The following PDGFD variants were observed in gnomAD, a reference collection of about 807,000 sequenced individuals.
The protein encoded by PDGFD is platelet-derived growth factor D.
Under a neutral mutation model 44.7 loss-of-function variants are expected in PDGFD, and 30 were observed. The observed-to-expected ratio is 0.67, with a 90% confidence interval of 0.50 to 0.91. The LOEUF is 0.91. Among genes scored for constraint, PDGFD ranks in the 40% least tolerant of loss-of-function variants. The pLI is 0.00. For missense variants in PDGFD, 445 were observed against 457.8 expected, an observed-to-expected ratio of 0.97 and a Z score of 0.25; for synonymous variants, 173 against 168.4, an observed-to-expected ratio of 1.03 and a Z score of -0.21.
chr11:104,115,047 C>T (rs950166571), intron 1 of PDGFD, among the ~76,000 whole-genome samples: 22 of 151,624 alleles, frequency 1.5e-4, no homozygotes. Flanking sequence ...CCCACACCCC[C>T]TCCCCACCCT....
At chr11:103,910,531 T>C (rs1217270270) in intron 6 of PDGFD, among the ~76,000 whole-genome samples, 1 of 152,114 alleles carries the variant, frequency 6.6e-6, no homozygotes, top group African/African-American at 2.4e-5. Context: ...AGGGAAGCCA[T>C]GAGAGACTGT....
intron 1 of PDGFD, among the ~76,000 whole-genome samples, chr11:104,153,826 G>T (rs1382334091): frequency 6.6e-6 from 1 of 151,928 alleles, no homozygotes; most frequent in East Asian, 1.9e-4. Flanking sequence ...ATTTTTGGGG[G>T]TCATTTGCAC....
At chr11:104,080,200 A>T (rs1177437183) in intron 1 of PDGFD, among the ~76,000 whole-genome samples, 1 of 152,232 alleles carries the variant, frequency 6.6e-6, no homozygotes, top group Non-Finnish European at 1.5e-5. Context: ...CTAAAGGCAG[A>T]ACTTTCAAAG....
At chr11:104,135,205 G>A (rs1167487750) in intron 1 of PDGFD, among the ~76,000 whole-genome samples, 1 of 152,218 alleles carries the variant, frequency 6.6e-6, no homozygotes, top group East Asian at 1.9e-4. Context: ...GTTCTAAATA[G>A]ATAGTGGTTA....
chr11:104,115,413 C>A (rs747430156), intron 1 of PDGFD, among the ~76,000 whole-genome samples: 14 of 150,848 alleles, frequency 9.3e-5, no homozygotes, highest in African/African-American at 3.4e-4. Flanking sequence ...TAAGTAATAG[C>A]ATTAATTTAT....
chr11:104,118,878 C>A (rs1421836245), intron 1 of PDGFD, among the ~76,000 whole-genome samples: 3 of 67,082 alleles, frequency 4.5e-5, no homozygotes, highest in African/African-American at 6.4e-5. Context: ...TATTAATATA[C>A]ATATATATTA....
In PDGFD at chr11:104,109,377, T is replaced by C. The variant is rs562889032; in HGVS notation, c.124+54427A>G. Among the ~76,000 whole-genome samples, 7 of 152,234 alleles carry C rather than the reference T, an allele frequency of 4.6e-5. No individual in the cohort carries two copies. In the South Asian group the frequency reaches 1.5e-3, roughly 32 times the overall value. The stretch of plus-strand genomic sequence containing the variant: ...ATAAGTTAGGCACAATAATAGATAC[T>C]TCATCGGGTTACTGAAGTGATCAAA... On this transcript the variant is annotated intron_variant, in intron 1 of 6. Coordinates refer to ENST00000393158, the MANE Select transcript of PDGFD (RefSeq NM_025208.5).
At chr11:104,059,172 A>G (rs898590313) in intron 1 of PDGFD, among the ~76,000 whole-genome samples, 13 of 152,192 alleles carry the variant, frequency 8.5e-5, no homozygotes, top group African/African-American at 3.1e-4. Flanking sequence ...ACAAATTTCA[A>G]TGGCAAAAAA....
chr11:104,114,974 G>A (rs1861612083), intron 1 of PDGFD, among the ~76,000 whole-genome samples: 1 of 150,510 alleles, frequency 6.6e-6, no homozygotes, highest in South Asian at 2.1e-4. Flanking sequence ...GTGGTGATTT[G>A]TGAGATATTG....
rs1034317795 is a variant in PDGFD at position 103,924,258 on chromosome 11, C to T, written c.987+2654G>A. Among the ~76,000 whole-genome samples, 6 of 152,336 alleles carry T rather than the reference C, an allele frequency of 3.9e-5. No individual in the cohort carries two copies. In the South Asian group the frequency reaches 1.2e-3, roughly 32 times the overall value. On this transcript the variant is annotated intron_variant, in intron 6 of 6. Coordinates refer to ENST00000393158, the MANE Select transcript of PDGFD (RefSeq NM_025208.5). Reference sequence around the variant, plus strand: ...AGTCCTGACCTTGAATGTTCTTCCTCACAGTTACTACTAGGTAGAGACCTT... The same window carrying T: ...AGTCCTGACCTTGAATGTTCTTCCTTACAGTTACTACTAGGTAGAGACCTT...
At chr11:104,066,417 T>G (rs936597431) in intron 1 of PDGFD, among the ~76,000 whole-genome samples, 1 of 152,082 alleles carries the variant, frequency 6.6e-6, no homozygotes, top group Non-Finnish European at 1.5e-5. Flanking sequence ...CTTTCAGGGG[T>G]TTACCCTGGT....
intron 1 of PDGFD, among the ~76,000 whole-genome samples, chr11:104,158,222 C>A (rs1249034160): frequency 6.6e-6 from 1 of 152,152 alleles, no homozygotes; most frequent in Non-Finnish European, 1.5e-5. Context: ...TTATGATGAA[C>A]ACACATATGT....
intron 1 of PDGFD, among the ~76,000 whole-genome samples, chr11:104,059,658 G>T (rs1860680568): frequency 6.6e-6 from 1 of 152,068 alleles, no homozygotes; most frequent in African/African-American, 2.4e-5. Flanking sequence ...CTGAGGTCTT[G>T]TCTGCCTAAG....
intron 3 of PDGFD, among the ~76,000 whole-genome samples, chr11:103,968,371 T>C (rs1859051653): frequency 6.6e-6 from 1 of 152,122 alleles, no homozygotes; most frequent in South Asian, 2.1e-4. Flanking sequence ...CCTCTGGCCA[T>C]CTCCTACGGG....
At chr11:103,939,266 T>C (rs1312552212) in intron 5 of PDGFD, among the ~76,000 whole-genome samples, 4 of 152,194 alleles carry the variant, frequency 2.6e-5, no homozygotes, top group Non-Finnish European at 5.9e-5. Context: ...GAAGAGGTCC[T>C]TCATGTCCCT....
At chr11:103,924,076 C>T (rs1435768042) in intron 6 of PDGFD, among the ~76,000 whole-genome samples, 1 of 152,170 alleles carries the variant, frequency 6.6e-6, no homozygotes, top group Non-Finnish European at 1.5e-5. Flanking sequence ...GCCAGGCCTT[C>T]AGTGTTCTTC....
intron 1 of PDGFD, among the ~76,000 whole-genome samples, chr11:104,013,212 C>T (rs1191725922): frequency 6.6e-6 from 1 of 152,170 alleles, no homozygotes; most frequent in Non-Finnish European, 1.5e-5. Context: ...TTCCTGCTCC[C>T]CATCCTGCTG....
chr11:104,148,287 C>T (rs992989081), intron 1 of PDGFD, among the ~76,000 whole-genome samples: 3 of 152,070 alleles, frequency 2.0e-5, no homozygotes, highest in Admixed American at 6.6e-5. Flanking sequence ...CGATGAGATA[C>T]AAAAACAGCT....
intron 1 of PDGFD, among the ~76,000 whole-genome samples, chr11:104,077,433 T>C (rs1188448757): frequency 6.6e-6 from 1 of 152,156 alleles, no homozygotes; most frequent in African/African-American, 2.4e-5. Flanking sequence ...CTTGGGCAAC[T>C]GGTGGTGTCA....
Sources: gnomAD v4.1 joint callset for allele counts (sites outside exome capture counted in the v4.1 genomes callset) on GRCh38, gnomAD v4.1.1 for gene constraint, MANE v1.5 for transcripts, NCBI Gene and HGNC (gene_info 2026-07-23, HGNC 2026-07-21) for gene names.